CTSV: variants seen among roughly 807,000 people sequenced by gnomAD.
The protein encoded by CTSV is cathepsin V.
CTSV carries 33 observed loss-of-function variants against 35.6 expected under a neutral mutation model. The ratio of observed to expected loss-of-function variants is 0.93; its 90% CI spans 0.70 to 1.24. The LOEUF is 1.24. Among genes scored for constraint, CTSV ranks in the 50% most tolerant of loss-of-function variants. CTSV has a pLI of 0.00. For missense variants in CTSV, 408 were observed against 413.1 expected (o/e 0.99, Z 0.11); for synonymous variants, 154 against 147.1 (o/e 1.05, Z -0.34).
intron 4 of CTSV, 66 bp from the exon 5 acceptor site, chr9:97,036,813 G>T (rs1828860355): frequency 1.7e-5 from 21 of 1,241,338 alleles, no homozygotes; most frequent in Non-Finnish European, 2.1e-5. Context: ...CCCCATAATT[G>T]AATTACCTTA....
chr9:97,035,738 T>G (rs1828836984), intron 5 of CTSV, 45 bp from the exon 6 acceptor site: 3 of 1,294,678 alleles, frequency 2.3e-6, no homozygotes. Context: ...ACCATCTACC[T>G]CCTGGGGAAC....
intron 6 of CTSV, 113 bp downstream of exon 6, chr9:97,035,415 A>G: frequency 1.3e-6 from 1 of 798,036 alleles, no homozygotes; most frequent in Non-Finnish European, 1.8e-6. Context: ...CACTATGTTA[A>G]ATGCTCACTC....
intron 4 of CTSV, among the ~76,000 whole-genome samples, 161 bp downstream of exon 4, chr9:97,037,091 G>A (rs1390450524): frequency 2.0e-5 from 3 of 152,006 alleles, no homozygotes; most frequent in Non-Finnish European, 2.9e-5. Context: ...TGGGCAACAA[G>A]AGCTAAACTC....
rs960851162 is a variant in CTSV at position 97,030,347 on chromosome 9, G to A, written c.*2602C>T. The A allele has an allele frequency of 1.3e-5, 2 of 152,088 alleles. No homozygotes were observed. The highest frequency in any genetic ancestry group is 2.9e-5 in the Non-Finnish European group (2 of 68,028). The allele number at this position is 152,088 out of a possible 1,614,324, so 9.4% of individuals were successfully genotyped here. ...TCAGCAAACTCCTCCCTCTTAATATGCTCAGTGATTTCTATCTCACCCTTC... is the reference window on the plus strand; with the variant it reads ...TCAGCAAACTCCTCCCTCTTAATATACTCAGTGATTTCTATCTCACCCTTC... On this transcript the variant is annotated 3_prime_UTR_variant, in exon 8 of 8. Coordinates refer to ENST00000259470, the MANE Select transcript of CTSV (RefSeq NM_001333.4).
At position 97,030,624 on chromosome 9, in the gene CTSV, A is replaced by G. The variant is rs531658641; in HGVS notation, c.*2325T>C. ...CCAGTGATAAACATTGTTTCTATAG[A>G]TTATAGATTAACTAAAAGTATTCCT... is the stretch of plus-strand genomic sequence containing the variant. On this transcript the variant is annotated 3_prime_UTR_variant, in exon 8 of 8. Transcript: ENST00000259470. The G allele has an allele frequency of 6.6e-6, 1 of 152,224 alleles. No individual in the cohort carries two copies. The highest frequency in any genetic ancestry group is 1.5e-5 in the Non-Finnish European group (1 of 68,038). The allele number at this position is 152,224 out of a possible 1,614,324, so 9.4% of individuals were successfully genotyped here. A position where few individuals can be genotyped will look rare whatever the true frequency, so the allele number is the denominator to read the frequency against.
In CTSV at chr9:97,029,963, C is replaced by A. The variant is rs537008949; in HGVS notation, c.*2986G>T. On this transcript the variant is annotated 3_prime_UTR_variant, in exon 8 of 8. Coordinates refer to ENST00000259470, the MANE Select transcript of CTSV (RefSeq NM_001333.4). The stretch of plus-strand genomic sequence containing the variant: ...GTAGCTTAGGAGCAACAGGCTGTAC[C>A]ATATAGCCTAGGTGTGTAATAGGCT... 6.6e-6 allele frequency: 1 copy of A among 152,312 alleles called. No homozygotes were observed. Among genetic ancestry groups the A allele is most frequent in the East Asian group, 1.9e-4 (1 of 5,188 alleles). The allele number at this position is 152,312 out of a possible 1,614,324, so 9.4% of individuals were successfully genotyped here.
intron 7 of CTSV, among the ~76,000 whole-genome samples, chr9:97,034,112 A>G (rs1157492713): frequency 3.9e-5 from 6 of 152,200 alleles, no homozygotes; most frequent in Non-Finnish European, 8.8e-5. Flanking sequence ...ATAAATAAAC[A>G]AATGAATGAA....
At chr9:97,035,829 T>A (rs1828838160) in intron 5 of CTSV, 136 bp from the exon 6 acceptor site, 1 of 489,406 alleles carries the variant, frequency 2.0e-6, no homozygotes, top group Admixed American at 4.2e-5. Context: ...TCCCATGAAA[T>A]AAAATGCTAT....
intron 7 of CTSV, among the ~76,000 whole-genome samples, chr9:97,033,620 A>G (rs1828792708): frequency 6.6e-6 from 1 of 151,766 alleles, no homozygotes. Flanking sequence ...CTCAAAAGAA[A>G]AAAACAAACA....
Position 97,035,579 on chromosome 9 carries a change from T to A in CTSV, c.736A>T (p.Ile246Phe), listed in dbSNP as rs1195061698. Reference sequence around the variant, plus strand: ...TGGCCTGCATCCATAGCAACGGAGATGGGCCCCACAGTTGCGACTGCTTTC... The same window carrying A: ...TGGCCTGCATCCATAGCAACGGAGAAGGGCCCCACAGTTGCGACTGCTTTC... ...LMKAVATVGP[I>F]SVAMDAGHSS... The change falls in exon 6 of 8, where the codon ATC becomes TTC. Residue 246 changes from isoleucine to phenylalanine, a missense_variant. Coordinates refer to ENST00000259470, the MANE Select transcript of CTSV (RefSeq NM_001333.4). 6.9e-6 allele frequency: 11 copies of A among 1,597,918 alleles called. No individual in the cohort carries two copies. The highest frequency in any genetic ancestry group is 9.4e-6 in the Non-Finnish European group (11 of 1,170,602).
chr9:97,033,060 G>C lies in CTSV; in HGVS notation c.906-12C>G. The C allele has an allele frequency of 6.3e-7, 1 of 1,590,380 alleles. No individual in the cohort carries two copies. The highest frequency in any genetic ancestry group is 8.6e-7 in the Non-Finnish European group (1 of 1,164,676). ...ATTCTGGACCCCAGCTGAAAGAGGA[G>C]CAGGTTTTCCATTTTATACAAGGAA... is the stretch of plus-strand genomic sequence containing the variant. On this transcript the variant is annotated splice_polypyrimidine_tract_variant and intron_variant, in intron 7 of 7. Transcript: ENST00000259470.
At chr9:97,035,336 A>G (rs574137202) in intron 6 of CTSV, among the ~76,000 whole-genome samples, 192 bp downstream of exon 6, 14 of 152,366 alleles carry the variant, frequency 9.2e-5, no homozygotes, top group African/African-American at 3.4e-4. Flanking sequence ...ATACAATTAC[A>G]TAGCCATTTA....
rs1431972159 is a variant in CTSV at position 97,037,334 on chromosome 9, AC to A, written c.313del (p.Val105CysfsTer22). On this transcript the variant is annotated frameshift_variant, in exon 4 of 8. Transcript: ENST00000259470. LOFTEE classifies it high-confidence loss of function. ...FRNQKFRKGKVFREPLFLDLP... is the reference protein window; with the variant it reads ...FRNQKFRKGKXFREPLFLDLP... ...ATCAAGAAACAGAGGCTCACGGAAC[AC>A]TTTCCCCTTCCTGAATTTCTGGTTT... is the stretch of plus-strand genomic sequence containing the variant. 1 of 1,614,202 alleles carries A rather than the reference AC, an allele frequency of 6.2e-7. No homozygotes were observed. The highest frequency in any genetic ancestry group is 2.2e-5 in the East Asian group (1 of 44,878).
At position 97,032,779 on chromosome 9, in the gene CTSV, A is replaced by T. The variant is rs1828775583; in HGVS notation, c.*170T>A. ...ATAAAGCTGTGTATAACAATAATTA[A>T]AGTAGTGGTAACATTTTACCCTTGT... On this transcript the variant is annotated 3_prime_UTR_variant, in exon 8 of 8. Coordinates refer to ENST00000259470, the MANE Select transcript of CTSV (RefSeq NM_001333.4). 4.1e-6 allele frequency: 2 copies of T among 487,882 alleles called. No individual in the cohort carries two copies. The highest frequency in any genetic ancestry group is 7.4e-5 in the Admixed American group (2 of 27,162). 30.2% of individuals were successfully genotyped at this position (487,882 alleles called of 1,614,324 possible).
At chr9:97,038,707 G>T (rs932548399) in intron 1 of CTSV, among the ~76,000 whole-genome samples, 2 of 152,086 alleles carry the variant, frequency 1.3e-5, no homozygotes, top group African/African-American at 4.8e-5. Flanking sequence ...AGCTCCGGGC[G>T]GGCCAGGACC....
rs111792382 is a variant in CTSV, at chr9:97,034,779, G to A, written c.852C>T (p.Tyr284=). 195 of 1,614,000 alleles carry A rather than the reference G, an allele frequency of 1.2e-4. No individual in the cohort carries two copies. In the African/African-American group the frequency reaches 1.2e-3, roughly 10 times the overall value. Residue 284 remains tyrosine (Y), a synonymous_variant, in exon 7 of 8, where the codon TAC becomes TAT. Transcript: ENST00000259470. ...TATTCGAATTTGCTCCTTCAAAGCC[G>A]TAGCCAACCACCAGAACACCATGAT... ...NLDHGVLVVG[Y]GFEGANSNNS... is the part of the protein sequence containing the mutation.
chr9:97,030,973 A>G lies in CTSV; in HGVS notation c.*1976T>C, dbSNP rs1656683488. On this transcript the variant is annotated 3_prime_UTR_variant, in exon 8 of 8. Coordinates refer to ENST00000259470, the MANE Select transcript of CTSV (RefSeq NM_001333.4). ...CTTGTTTGAAAAACGCTTTTAGACAACACATCAGGTTTGTAACTTTTCACA... is the reference window on the plus strand; with the variant it reads ...CTTGTTTGAAAAACGCTTTTAGACAGCACATCAGGTTTGTAACTTTTCACA... The G allele has an allele frequency of 6.6e-6, 1 of 152,250 alleles. No individual in the cohort carries two copies. Among genetic ancestry groups the G allele is most frequent in the Non-Finnish European group, 1.5e-5 (1 of 68,048 alleles). 9.4% of individuals were successfully genotyped at this position (152,250 alleles called of 1,614,324 possible). A position where few individuals can be genotyped will look rare whatever the true frequency, so the allele number is the denominator to read the frequency against.
upstream of CTSV, chr9:97,039,403 A>C (rs959494758): frequency 2.0e-5 from 3 of 152,230 alleles, no homozygotes; most frequent in Admixed American, 1.3e-4. Flanking sequence ...AGATCTACTG[A>C]CTATCCCGAC....
rs766925551 is a variant in CTSV at position 97,034,865 on chromosome 9, TG to T, written c.788-23del. 14 of 1,591,330 alleles carry T rather than the reference TG, an allele frequency of 8.8e-6. No individual in the cohort carries two copies. In the Admixed American group the frequency reaches 1.2e-4, roughly 13 times the overall value. On this transcript the variant is annotated intron_variant, in intron 6 of 7. Transcript: ENST00000259470. ...ATGCCTGGGAGAGTAAAATTAATGC[TG>T]GGGTGAGAAGCTCCAAGCGACATGT...
Sources: gnomAD v4.1 joint callset for allele counts (sites outside exome capture counted in the v4.1 genomes callset) on GRCh38, gnomAD v4.1.1 for gene constraint, MANE v1.5 for transcripts, NCBI Gene and HGNC (gene_info 2026-07-23, HGNC 2026-07-21) for gene names.